The following PKD1 variants were observed in gnomAD, a reference collection of about 807,000 sequenced individuals.
PKD1 encodes polycystin 1, transient receptor potential channel interacting.
In PKD1, 81 loss-of-function variants were observed where a neutral mutation model predicts 361.7. That is an observed-to-expected ratio of 0.22 (90% CI 0.19 to 0.27). The LOEUF is 0.27. PKD1 is among the 10% of genes least tolerant of loss of function. PKD1 has a pLI of 1.00. For synonymous variants in PKD1, 3,615 were observed against 2,818.3 expected (o/e 1.28, Z -8.95); for missense variants, 6,399 against 6,118.3 (o/e 1.05, Z -1.53).
Position 2,111,282 on chromosome 16 carries a change from C to T in PKD1, c.3885G>A (p.Glu1295=). 2 of 1,609,630 alleles carry T rather than the reference C, an allele frequency of 1.2e-6. No homozygotes were observed. The highest frequency in any genetic ancestry group is 1.7e-6 in the Non-Finnish European group (2 of 1,179,468). Residue 1295 remains glutamate (E), a synonymous_variant, in exon 15 of 46, where the codon GAG becomes GAA. Transcript: ENST00000262304. Reference sequence around the variant, plus strand: ...AGGCGGCGGGTTCAACGCGCAGCACCTCCAGGACGAAGACCAGCACGTGCA... The same window carrying T: ...AGGCGGCGGGTTCAACGCGCAGCACTTCCAGGACGAAGACCAGCACGTGCA... ...RSLHVLVFVL[E]VLRVEPAACI...
chr16:2,124,174 C>G (rs541091687), intron 1 of PKD1, among the ~76,000 whole-genome samples: 11 of 152,322 alleles, frequency 7.2e-5, no homozygotes, highest in Admixed American at 2.0e-4. Context: ...GGAGGCTGCC[C>G]CTCCACACCC....
Position 2,093,134 on chromosome 16 carries a change from C to T in PKD1, c.11017-41G>A, listed in dbSNP as rs544218314. 9 of 1,610,054 alleles carry T rather than the reference C, an allele frequency of 5.6e-6. 1 individual carries two copies. The South Asian group carries it at 9.9e-5, about 18-fold the overall frequency. On this transcript the variant is annotated intron_variant, in intron 37 of 45. Coordinates refer to ENST00000262304, the MANE Select transcript of PKD1 (RefSeq NM_001009944.3). Reference sequence around the variant, plus strand: ...GCCCTGTGGTCAGCCTGGCCCCAGCCCACAGTGACAGCAGGGCTTTGGCAA... The same window carrying T: ...GCCCTGTGGTCAGCCTGGCCCCAGCTCACAGTGACAGCAGGGCTTTGGCAA...
Position 2,100,023 on chromosome 16 carries a change from T to C in PKD1, c.9761A>G (p.Gln3254Arg), listed in dbSNP as rs1313285288. The C allele has an allele frequency of 1.9e-6, 3 of 1,578,136 alleles. No individual in the cohort carries two copies. Among genetic ancestry groups the C allele is most frequent in the Non-Finnish European group, 2.6e-6 (3 of 1,163,624 alleles). ...RFRRLLVAEL[Q>R]RGFFDKHIWL... ...GATGTGCTTGTCAAAGAAGCCACGCTGCAGCTCAGCCACCAGCAGGCGCCG... is the reference window on the plus strand; with the variant it reads ...GATGTGCTTGTCAAAGAAGCCACGCCGCAGCTCAGCCACCAGCAGGCGCCG... The change falls in exon 29 of 46, where the codon CAG becomes CGG. Residue 3254 changes from glutamine to arginine, a missense_variant. Physicochemically the swap from Gln to Arg is conservative, Grantham distance 43 (BLOSUM62 1). Transcript: ENST00000262304. The surrounding 1 kb of genome is among the most constrained non-coding windows in gnomAD (Gnocchi z 4.4).
In PKD1 at chr16:2,108,655, G is replaced by C. The variant is rs755655916; in HGVS notation, c.6512C>G (p.Ala2171Gly). ...MRRSQRNYLE[A>G]HVDLRDCVTY... ...GACGCAGTCGCGCAGGTCAACGTGG[G>C]CCTCCAAGTAGTTGCGCTGTGATCG... Residue 2171 changes from alanine to glycine, a missense_variant, in exon 15 of 46, where the codon GCC becomes GGC. Ala to Gly is a moderately conservative substitution (Grantham distance 60). Transcript: ENST00000262304. The C allele has an allele frequency of 1.9e-6, 3 of 1,563,686 alleles. No homozygotes were observed. Among genetic ancestry groups the C allele is most frequent in the Middle Eastern group, 2.2e-4 (1 of 4,494 alleles).
chr16:2,122,592 G>A (rs1019697445), intron 1 of PKD1, among the ~76,000 whole-genome samples: 1 of 152,238 alleles, frequency 6.6e-6, no homozygotes, highest in African/African-American at 2.4e-5. Context: ...ACCAGCAAGA[G>A]GCCATTCTCG....
At position 2,093,575 on chromosome 16, in the gene PKD1, C is replaced by T. The variant is rs746597380; in HGVS notation, c.10985G>A (p.Arg3662His). The T allele has an allele frequency of 6.8e-6, 11 of 1,606,404 alleles. No individual in the cohort carries two copies. Among genetic ancestry groups the T allele is most frequent in the East Asian group, 4.5e-5 (2 of 44,670 alleles). Residue 3662 changes from arginine (R) to histidine (H), a missense_variant, in exon 37 of 46, where the codon CGC becomes CAC. By Grantham distance (29) the Arg-to-His change is conservative (BLOSUM62 0). Coordinates refer to ENST00000262304, the MANE Select transcript of PKD1 (RefSeq NM_001009944.3). Reference protein sequence around the residue: ...FALFLAKEEARKVKRLHGMLR... With the variant: ...FALFLAKEEAHKVKRLHGMLR... ...CATGCCATGTAGCCTCTTGACCTTG[C>T]GGGCTTCTTCCTTGGCCAGGAAGAG... is the stretch of plus-strand genomic sequence containing the variant.
chr16:2,101,582 C>T (rs1233362441), intron 26 of PKD1, among the ~76,000 whole-genome samples: 3 of 152,208 alleles, frequency 2.0e-5, no homozygotes, highest in Non-Finnish European at 2.9e-5. Context: ...CATGCCATTG[C>T]ACTCCAGCCT....
intron 1 of PKD1, among the ~76,000 whole-genome samples, chr16:2,125,651 G>A (rs956364396): frequency 6.7e-6 from 1 of 148,706 alleles, no homozygotes; most frequent in Non-Finnish European, 1.5e-5. Flanking sequence ...AAAAAGGGCC[G>A]TCTGGAGACG....
chr16:2,110,115 C>T lies in PKD1; in HGVS notation c.5052G>A (p.Ser1684=), dbSNP rs759135764. 1.4e-5 allele frequency: 23 copies of T among 1,609,410 alleles called. No individual in the cohort carries two copies. Among genetic ancestry groups the T allele is most frequent in the South Asian group, 2.2e-5 (2 of 90,836 alleles). ...AGGTGCCGGCCTCGAGCACGGTGAG[C>T]GAGAAGCCTTTGCCGCTGCCGGCCA... ...PALAGSGKGF[S]LTVLEAGTYH... is the part of the protein sequence containing the mutation. The change falls in exon 15 of 46, where the codon TCG becomes TCA. Residue 1684 remains serine, a synonymous_variant. Coordinates refer to ENST00000262304, the MANE Select transcript of PKD1 (RefSeq NM_001009944.3).
chr16:2,128,601 G>C (rs1476554803), intron 1 of PKD1, among the ~76,000 whole-genome samples: 1 of 152,220 alleles, frequency 6.6e-6, no homozygotes, highest in Admixed American at 6.5e-5. Flanking sequence ...GACCAGGAGT[G>C]GCTGCAACCC....
At position 2,100,656 on chromosome 16, in the gene PKD1, G is replaced by T. The variant is rs1444349594; in HGVS notation, c.9398-90C>A. ...AAGTCATCTCAGCTTTGGCCTGTGCGCACTCAAGGAGCCACACAGGCAGTC... is the reference window on the plus strand; with the variant it reads ...AAGTCATCTCAGCTTTGGCCTGTGCTCACTCAAGGAGCCACACAGGCAGTC... On this transcript the variant is annotated intron_variant, in intron 26 of 45. Transcript: ENST00000262304. This position sits in a 1 kb window ranked among gnomAD's most constrained non-coding sequence, Gnocchi z 4.4. 1 of 1,167,640 alleles carries T rather than the reference G, an allele frequency of 8.6e-7. No homozygotes were observed. The highest frequency in any genetic ancestry group is 2.4e-5 in the East Asian group (1 of 42,212). The allele number at this position is 1,167,640 out of a possible 1,614,324, so 72.3% of individuals were successfully genotyped here.
chr16:2,114,097 T>C, intron 11 of PKD1, 73 bp downstream of exon 11: 15 of 1,266,596 alleles, frequency 1.2e-5, no homozygotes, highest in Non-Finnish European at 1.7e-5. Context: ...AAGCCAGGCC[T>C]CACGCCCTGT....
chr16:2,100,198 C>T lies in PKD1; in HGVS notation c.9680G>A (p.Gly3227Glu). The T allele has an allele frequency of 6.2e-7, 1 of 1,609,604 alleles. No individual in the cohort carries two copies. The change falls in exon 28 of 46, where the codon GGG becomes GAG. Residue 3227 changes from glycine to glutamate, a missense_variant. By Grantham distance (98) the Gly-to-Glu change is moderately conservative. Transcript: ENST00000262304. The surrounding 1 kb of genome is among the most constrained non-coding windows in gnomAD (Gnocchi z 4.4). The part of the protein sequence containing the change: ...DWLSVETEAN[G>E]GLVEKEVLAA... ...CAGCACCTCCTTCTCCACCAGGCCC[C>T]CGTTGGCCTCCGTCTCCACCGAAAG... is the stretch of plus-strand genomic sequence containing the variant.
Position 2,102,792 on chromosome 16 carries a change from CAGGCT to C in PKD1, c.8948+17_8948+21del. ...CCCATGATGCCCTGCCCTGCCCTGCCAGGCTGGCCCGCAGAGCTCACCCCGGGGAA... is the reference window on the plus strand; with the variant it reads ...CCCATGATGCCCTGCCCTGCCCTGCCGGCCCGCAGAGCTCACCCCGGGGAA... On this transcript the variant is annotated intron_variant, in intron 24 of 45. Coordinates refer to ENST00000262304, the MANE Select transcript of PKD1 (RefSeq NM_001009944.3). 1 of 1,609,836 alleles carries C rather than the reference CAGGCT, an allele frequency of 6.2e-7. No individual in the cohort carries two copies.
At position 2,103,562 on chromosome 16, in the gene PKD1, T is replaced by C. The variant is rs1268478154; in HGVS notation, c.8495A>G (p.Asn2832Ser). 6 of 1,609,984 alleles carry C rather than the reference T, an allele frequency of 3.7e-6. No homozygotes were observed. The highest frequency in any genetic ancestry group is 2.2e-5 in the South Asian group (2 of 90,968). The change falls in exon 23 of 46, where the codon AAT becomes AGT. Residue 2832 changes from asparagine (N) to serine (S), a missense_variant. By Grantham distance (46) the Asn-to-Ser change is conservative (BLOSUM62 1). Coordinates refer to ENST00000262304, the MANE Select transcript of PKD1 (RefSeq NM_001009944.3). ...GCTGATATAGCCAAAGGGAAAGGGA[T>C]TGGAGTCCACCAGAAAGATGAGCTG... ...VVQLIFLVDS[N>S]PFPFGYISNY... is the part of the protein sequence containing the mutation.
chr16:2,110,672 G>A lies in PKD1; in HGVS notation c.4495C>T (p.Leu1499=), dbSNP rs142002333. Residue 1499 remains leucine (L), a synonymous_variant, in exon 15 of 46, where the codon CTG becomes TTG. Transcript: ENST00000262304. The part of the protein sequence containing the change: ...AVGRGRPASY[L]WDLGDGGWLE... The stretch of plus-strand genomic sequence containing the variant: ...CACCCACCGTCCCCCAGATCCCACA[G>A]GTAGCTGGCGGGGCGCCCACGGCCC... The A allele has an allele frequency of 3.1e-3, 4,994 of 1,610,266 alleles. 9 individuals carry two copies. The highest frequency in any genetic ancestry group is 0.011 in the Middle Eastern group (47 of 4,446).
At chr16:2,096,271 G>A (rs555446002) in intron 34 of PKD1, among the ~76,000 whole-genome samples, 63 of 152,338 alleles carry the variant, frequency 4.1e-4, no homozygotes, top group African/African-American at 1.4e-3. Context: ...CCGGGGCACC[G>A]CACCTGCACT....
chr16:2,097,296 C>T (rs1596500950), intron 33 of PKD1, 23 bp downstream of exon 33: 7 of 1,611,806 alleles, frequency 4.3e-6, no homozygotes, highest in African/African-American at 2.7e-5. Context: ...GCTTCAGAGC[C>T]CCCTCCTCTC....
At chr16:2,131,141 G>A (rs1314842143) in intron 1 of PKD1, among the ~76,000 whole-genome samples, 1 of 152,214 alleles carries the variant, frequency 6.6e-6, no homozygotes, top group Non-Finnish European at 1.5e-5. Context: ...GACACAGCGA[G>A]AAATCCAGGC....
Sources: allele counts gnomAD v4.1 joint callset (sites outside exome capture counted in the v4.1 genomes callset), GRCh38; gene constraint gnomAD v4.1.1; non-coding constraint Gnocchi (gnomAD v3.1); transcripts MANE v1.5; gene names NCBI Gene and HGNC (gene_info 2026-07-23, HGNC 2026-07-21).